Variants in LAMA2 observed in about 807,000 individuals in gnomAD.
LAMA2 encodes laminin subunit alpha-2.
In LAMA2, 269 loss-of-function variants were observed where a neutral mutation model predicts 364.8. The observed-to-expected ratio is 0.74, with a 90% CI of 0.67 to 0.82. The LOEUF (loss-of-function observed/expected upper bound fraction) is 0.82, where lower values mean the gene tolerates loss of function less well. LAMA2 is among the 40% of genes least tolerant of loss of function. The probability of loss-of-function intolerance (pLI) is 0.00; values close to 1 mark genes in which losing one functional copy is unlikely to be tolerated. For missense variants in LAMA2, 3,807 were observed against 3,873.2 expected (o/e 0.98, Z 0.45); for synonymous variants, 1,379 against 1,370.6 (o/e 1.01, Z -0.14).
At chr6:129,262,718 T>C (rs2114327740) in intron 15 of LAMA2, among the ~76,000 whole-genome samples, 1 of 152,304 alleles carries the variant, frequency 6.6e-6, no homozygotes, top group Non-Finnish European at 1.5e-5. Context: ...TCCTATCCTT[T>C]CATTATTTCA....
At chr6:129,265,923 T>A (rs1369865499) in intron 15 of LAMA2, among the ~76,000 whole-genome samples, 1 of 152,026 alleles carries the variant, frequency 6.6e-6, no homozygotes, top group Non-Finnish European at 1.5e-5. Context: ...AAGGGGAAAG[T>A]TCATTTTATT....
intron 21 of LAMA2, among the ~76,000 whole-genome samples, chr6:129,299,758 T>C (rs1773430936): frequency 6.6e-6 from 1 of 152,192 alleles, no homozygotes; most frequent in African/African-American, 2.4e-5. Flanking sequence ...TCTAAACACC[T>C]TCCACAGCTG....
chr6:129,427,571 A>G (rs1163622887), intron 40 of LAMA2, among the ~76,000 whole-genome samples, 181 bp from the exon 41 acceptor site: 1 of 152,164 alleles, frequency 6.6e-6, no homozygotes, highest in Non-Finnish European at 1.5e-5. Flanking sequence ...TCTTCTTCTC[A>G]TACCGTAATA....
intron 10 of LAMA2, among the ~76,000 whole-genome samples, chr6:129,186,344 C>T (rs1052245577): frequency 3.3e-5 from 5 of 151,460 alleles, no homozygotes; most frequent in African/African-American, 1.2e-4. Flanking sequence ...AAACTTTTAC[C>T]TTCATCATTC....
rs150988222 is a variant in LAMA2, at chr6:129,127,672, C to T, written c.640-16229C>T. 4.2e-3 allele frequency among the ~76,000 whole-genome samples: 634 copies of T among 152,230 alleles called. 1 individual carries two copies. The highest frequency in any genetic ancestry group is 0.027 in the South Asian group (132 of 4,816). ...AAGGATTCTGTTTTTTCCATATTCTCGCCAACATTTGTTATCTTCTTTTTG... is the reference window on the plus strand; with the variant it reads ...AAGGATTCTGTTTTTTCCATATTCTTGCCAACATTTGTTATCTTCTTTTTG... On this transcript the variant is annotated intron_variant, in intron 4 of 64. Coordinates refer to ENST00000421865, the MANE Select transcript of LAMA2 (RefSeq NM_000426.4).
chr6:129,366,865 C>T (rs1777807458), intron 33 of LAMA2, among the ~76,000 whole-genome samples: 1 of 152,166 alleles, frequency 6.6e-6, no homozygotes, highest in South Asian at 2.1e-4. Flanking sequence ...AGAGAGCCCC[C>T]TACAAAGGGT....
chr6:128,928,990 G>T, intron 1 of LAMA2: 1 of 1,207,930 alleles, frequency 8.3e-7, no homozygotes, highest in Non-Finnish European at 1.2e-6. Context: ...AGCTCAGAAG[G>T]AGCAGAAGGA....
chr6:129,266,429 CAGA>C (rs1348216276), intron 15 of LAMA2, among the ~76,000 whole-genome samples: 1 of 152,028 alleles, frequency 6.6e-6, no homozygotes, highest in African/African-American at 2.4e-5. Context: ...AGCAAAGTTA[CAGA>C]AGAATGCCAT....
chr6:129,287,222 A>G (rs1210228934), intron 18 of LAMA2, among the ~76,000 whole-genome samples: 1 of 151,574 alleles, frequency 6.6e-6, no homozygotes, highest in Non-Finnish European at 1.5e-5. Context: ...TATAATATGC[A>G]GGCATGCTTT....
chr6:129,503,191 A>G lies in LAMA2; in HGVS notation c.8458A>G (p.Asn2820Asp). ...TGATTTTGCAACAGTTCAGCTGAGA[A>G]ATGGATTGCCCTACTTCAGCTATGA... is the stretch of plus-strand genomic sequence containing the variant. ...HADFATVQLR[N>D]GLPYFSYDLG... The change falls in exon 60 of 65, where the codon AAT (asparagine) becomes GAT (aspartate). Residue 2820 changes from asparagine (N) to aspartate (D), a missense_variant. Physicochemically the swap from Asn to Asp is conservative, Grantham distance 23. Around this residue, in one of 3 missense-constraint regions of LAMA2, gnomAD observed 3,333 missense variants for 3,345.7 expected, o/e 1.00. Transcript: ENST00000421865. 1 of 1,614,164 alleles carries G rather than the reference A, an allele frequency of 6.2e-7. No homozygotes were observed. Among genetic ancestry groups the G allele is most frequent in the Non-Finnish European group, 8.5e-7 (1 of 1,179,992 alleles).
intron 64 of LAMA2, among the ~76,000 whole-genome samples, chr6:129,515,369 T>G (rs1786965919): frequency 6.6e-6 from 1 of 152,224 alleles, no homozygotes; most frequent in South Asian, 2.1e-4. Context: ...CAACGACAGC[T>G]CCTCTTTCCA....
chr6:128,900,527 C>A (rs1242481164), intron 1 of LAMA2, among the ~76,000 whole-genome samples: 1 of 152,150 alleles, frequency 6.6e-6, no homozygotes, highest in Admixed American at 6.5e-5. Flanking sequence ...TGGTTAACAT[C>A]ATGATACTGT....
chr6:129,420,801 A>T (rs749009895), intron 40 of LAMA2, among the ~76,000 whole-genome samples: 3 of 152,148 alleles, frequency 2.0e-5, no homozygotes, highest in Admixed American at 6.5e-5. Flanking sequence ...AGTCAGCCTG[A>T]TAAACTCTAA....
chr6:129,504,222 C>G (rs535766671), intron 60 of LAMA2, among the ~76,000 whole-genome samples: 1 of 152,242 alleles, frequency 6.6e-6, no homozygotes, highest in East Asian at 1.9e-4. Context: ...TTGCTGGGAG[C>G]TTATGACTAG....
intron 1 of LAMA2, among the ~76,000 whole-genome samples, chr6:128,928,115 G>A (rs1182133646): frequency 2.0e-5 from 3 of 152,104 alleles, no homozygotes; most frequent in African/African-American, 4.8e-5. Context: ...TCTCCTCTAC[G>A]GTAGCTCAAG....
chr6:129,352,654 A>G (rs1355283435), intron 31 of LAMA2, among the ~76,000 whole-genome samples: 2 of 152,192 alleles, frequency 1.3e-5, no homozygotes, highest in Admixed American at 6.5e-5. Flanking sequence ...ATTATACAAG[A>G]GGACTTAACA....
Position 128,883,142 on chromosome 6 carries a change from T to C in LAMA2, c.-104T>C, listed in dbSNP as rs1582592492. Reference sequence around the variant, plus strand: ...GCCAGAGGGGGCTGTCTCCTCCTCTTCCCCAGCAGCTGCTGCTCGCTCAGC... The same window carrying C: ...GCCAGAGGGGGCTGTCTCCTCCTCTCCCCCAGCAGCTGCTGCTCGCTCAGC... On this transcript the variant is annotated 5_prime_UTR_variant, in exon 1 of 65. Transcript: ENST00000421865. 2.5e-6 allele frequency: 3 copies of C among 1,176,534 alleles called. No homozygotes were observed. The highest frequency in any genetic ancestry group is 3.6e-6 in the Non-Finnish European group (3 of 823,272). The allele number at this position is 1,176,534 out of a possible 1,614,324, so 72.9% of individuals were successfully genotyped here.
At chr6:129,381,331 CT>C (rs71028155) in intron 34 of LAMA2, among the ~76,000 whole-genome samples, 23 of 151,292 alleles carry the variant, frequency 1.5e-4, no homozygotes, top group Middle Eastern at 3.4e-3. Flanking sequence ...CTACGAACAT[CT>C]TTTTTTTTCT....
chr6:129,227,689 G>A (rs772990243), intron 12 of LAMA2, among the ~76,000 whole-genome samples: 27 of 152,170 alleles, frequency 1.8e-4, no homozygotes, highest in Non-Finnish European at 3.5e-4. Flanking sequence ...TCCTCTGGAA[G>A]CTTCGTCTCA....
Sources: allele counts gnomAD v4.1 joint callset (sites outside exome capture counted in the v4.1 genomes callset), GRCh38; gene constraint gnomAD v4.1.1; regional missense constraint gnomAD v4.1.1; transcripts MANE v1.5; gene names NCBI Gene and HGNC (gene_info 2026-07-23, HGNC 2026-07-21).